The following PEX14 variants were observed in gnomAD, a reference collection of about 807,000 sequenced individuals.
The protein encoded by PEX14 is peroxisomal biogenesis factor 14, also known as peroxisomal membrane protein PEX14.
Under a neutral mutation model 49.5 loss-of-function variants are expected in PEX14, and 15 were observed. The observed-to-expected ratio is 0.30, with a 90% confidence interval of 0.20 to 0.47. PEX14 has a LOEUF of 0.47. Ranked by LOEUF, PEX14 falls within the 20% of genes least tolerant of loss-of-function variation. PEX14 has a pLI of 1.00. For missense variants in PEX14, 398 were observed against 494.8 expected (o/e 0.80, Z 1.86); for synonymous variants, 210 against 212.7 (o/e 0.99, Z 0.11).
chr1:10,583,548 C>T (rs1640392136), intron 3 of PEX14, among the ~76,000 whole-genome samples: 1 of 152,002 alleles, frequency 6.6e-6, no homozygotes, highest in African/African-American at 2.4e-5. Context: ...TGAATACCTA[C>T]TAGGTGCCAG....
At chr1:10,508,444 G>T (rs531390176) in intron 2 of PEX14, among the ~76,000 whole-genome samples, 1 of 152,208 alleles carries the variant, frequency 6.6e-6, no homozygotes, top group African/African-American at 2.4e-5. Context: ...CCTGACCTCG[G>T]CCTCCCAAAG....
intron 1 of PEX14, among the ~76,000 whole-genome samples, chr1:10,480,453 G>A (rs1367743889): frequency 1.4e-5 from 2 of 147,262 alleles, no homozygotes; most frequent in African/African-American, 5.0e-5. Flanking sequence ...GAGTACAGTG[G>A]CACAATCTCG....
At chr1:10,528,920 G>A (rs940971897) in intron 2 of PEX14, among the ~76,000 whole-genome samples, 2 of 152,140 alleles carry the variant, frequency 1.3e-5, no homozygotes, top group Admixed American at 1.3e-4. Context: ...GTGTATAATG[G>A]CATTTTCCTC....
intron 2 of PEX14, among the ~76,000 whole-genome samples, chr1:10,506,208 T>A (rs757269138): frequency 3.3e-5 from 5 of 152,166 alleles, no homozygotes; most frequent in Non-Finnish European, 5.9e-5. Context: ...TGTGTCCTTG[T>A]ATTAAACATG....
chr1:10,582,923 G>A (rs1018726418), intron 3 of PEX14, among the ~76,000 whole-genome samples: 2 of 151,852 alleles, frequency 1.3e-5, no homozygotes, highest in Admixed American at 1.3e-4. Context: ...TATTAGGGAC[G>A]GGGGTTTCAC....
At chr1:10,515,645 A>C (rs1476128430) in intron 2 of PEX14, among the ~76,000 whole-genome samples, 2 of 152,180 alleles carry the variant, frequency 1.3e-5, no homozygotes, top group African/African-American at 4.8e-5. Flanking sequence ...TTTGTTAGAA[A>C]ACTAAATGTT....
intron 2 of PEX14, among the ~76,000 whole-genome samples, chr1:10,506,929 A>G (rs1641793135): frequency 6.6e-6 from 1 of 152,256 alleles, no homozygotes; most frequent in Non-Finnish European, 1.5e-5. Context: ...TTTTCAGTTA[A>G]TAGAAAATGT....
chr1:10,530,479 C>T (rs1012932227), intron 2 of PEX14, among the ~76,000 whole-genome samples: 3 of 152,250 alleles, frequency 2.0e-5, no homozygotes, highest in African/African-American at 7.2e-5. Flanking sequence ...GCGCTTCTGC[C>T]GCCTGCGGGC....
At chr1:10,612,106 G>A (rs1299356843) in intron 4 of PEX14, among the ~76,000 whole-genome samples, 1 of 152,116 alleles carries the variant, frequency 6.6e-6, no homozygotes, top group East Asian at 1.9e-4. Flanking sequence ...ATTTCTTATA[G>A]AAGTTTTATA....
chr1:10,518,370 CCCGATG>C (rs1369569770), intron 2 of PEX14, among the ~76,000 whole-genome samples: 1 of 152,124 alleles, frequency 6.6e-6, no homozygotes, highest in African/African-American at 2.4e-5. Context: ...TGATGGCAAA[CCCGATG>C]CCAGGGGGAA....
At chr1:10,588,651 C>G (rs1405383418) in intron 3 of PEX14, among the ~76,000 whole-genome samples, 1 of 152,188 alleles carries the variant, frequency 6.6e-6, no homozygotes, top group Non-Finnish European at 1.5e-5. Context: ...CTGTGGACGC[C>G]TCCACCTGGC....
chr1:10,524,513 A>C (rs754881854), intron 2 of PEX14: 3 of 617,694 alleles, frequency 4.9e-6, no homozygotes, highest in Non-Finnish European at 6.1e-6. Flanking sequence ...TGTGTTATTC[A>C]TAAGTAAATT....
chr1:10,629,843 G>GGAT lies in PEX14; in HGVS notation c.998_1000dup (p.Asp333dup), dbSNP rs760231440. ...ACAAGGAGGACGAGGAGGATGAGGA[G>GGAT]GATGATGATGTGAGCCATGTGGACG... is the stretch of plus-strand genomic sequence containing the variant. On this transcript the variant is annotated inframe_insertion, in exon 9 of 9. Transcript: ENST00000356607. The surrounding 1 kb of genome is among the most constrained non-coding windows in gnomAD (Gnocchi z 8.5). 32 of 1,607,548 alleles carry GGAT rather than the reference G, an allele frequency of 2.0e-5. No individual in the cohort carries two copies. Among genetic ancestry groups the GGAT allele is most frequent in the Non-Finnish European group, 2.6e-5 (31 of 1,174,916 alleles).
intron 1 of PEX14, among the ~76,000 whole-genome samples, chr1:10,489,350 G>T (rs1244587644): frequency 2.6e-5 from 4 of 152,192 alleles, no homozygotes; most frequent in Non-Finnish European, 5.9e-5. Context: ...GGATTTTGTG[G>T]TCTTTAAAGA....
At chr1:10,502,877 G>GC (rs1641706616) in intron 2 of PEX14, among the ~76,000 whole-genome samples, 2 of 149,126 alleles carry the variant, frequency 1.3e-5, no homozygotes, top group East Asian at 2.0e-4. Context: ...GCTCGTTGCA[G>GC]CCCCCCACCT....
chr1:10,615,684 G>A (rs979432472), intron 4 of PEX14, among the ~76,000 whole-genome samples: 4 of 152,252 alleles, frequency 2.6e-5, no homozygotes, highest in South Asian at 2.1e-4. Flanking sequence ...GAGATGGCAC[G>A]TGTGCACGTT....
chr1:10,583,729 A>G (rs923097285), intron 3 of PEX14, among the ~76,000 whole-genome samples: 2 of 152,136 alleles, frequency 1.3e-5, no homozygotes, highest in African/African-American at 4.8e-5. Flanking sequence ...TGGTTTGGAA[A>G]GGCCCCTCTA....
At chr1:10,572,825 C>T (rs1287774439) in intron 3 of PEX14, among the ~76,000 whole-genome samples, 2 of 152,106 alleles carry the variant, frequency 1.3e-5, no homozygotes, top group Admixed American at 1.3e-4. Flanking sequence ...CGTGAGCTAC[C>T]GCGCCTGGCC....
At chr1:10,626,887 A>C (rs1455869150) in intron 7 of PEX14, among the ~76,000 whole-genome samples, 1 of 152,224 alleles carries the variant, frequency 6.6e-6, no homozygotes. Context: ...AAAGGTGTGC[A>C]TGGAAGGATG....
Sources: gnomAD v4.1 joint callset for allele counts (sites outside exome capture counted in the v4.1 genomes callset) on GRCh38, gnomAD v4.1.1 for gene constraint, Gnocchi (gnomAD v3.1) non-coding constraint, MANE v1.5 for transcripts, NCBI Gene and HGNC (gene_info 2026-07-23, HGNC 2026-07-21) for gene names.